TSC2: variants seen among roughly 807,000 people sequenced by gnomAD.
TSC2 encodes TSC complex subunit 2, also known as tuberin.
Under a neutral mutation model 202.2 loss-of-function variants are expected in TSC2, and 29 were observed. The ratio of observed to expected loss-of-function variants is 0.14; its 90% confidence interval spans 0.11 to 0.20. TSC2 has a LOEUF of 0.20. Ranked by LOEUF, TSC2 falls within the 10% of genes least tolerant of loss-of-function variation. The pLI is 1.00. For synonymous variants in TSC2, 1,349 were observed against 1,044.0 expected (o/e 1.29, Z -5.63); for missense variants, 2,429 against 2,420.0 (o/e 1.00, Z -0.08).
In TSC2 at chr16:2,064,245, T is replaced by G. The variant is rs747334684; in HGVS notation, c.1444-27T>G. 7 of 1,613,706 alleles carry G rather than the reference T, an allele frequency of 4.3e-6. No individual in the cohort carries two copies. The South Asian group carries it at 7.7e-5, about 18-fold the overall frequency. On this transcript the variant is annotated intron_variant, in intron 14 of 41. Transcript: ENST00000219476. ...GATGTGGCCCTCGTTGGGCTGGCGCTCATTGGCCTCCCTTGTGCCTGTGCA... is the reference window on the plus strand; with the variant it reads ...GATGTGGCCCTCGTTGGGCTGGCGCGCATTGGCCTCCCTTGTGCCTGTGCA...
At chr16:2,081,364 G>A in intron 30 of TSC2, 2 of 600,038 alleles carry the variant, frequency 3.3e-6, no homozygotes, top group Non-Finnish European at 6.0e-6. Context: ...GCTGTGGGCT[G>A]GAGGCCGCTG....
At position 2,084,571 on chromosome 16, in the gene TSC2, C is replaced by G. The variant is rs45517338; in HGVS notation, c.4349C>G (p.Pro1450Arg). 3.7e-6 allele frequency: 6 copies of G among 1,607,612 alleles called. No individual in the cohort carries two copies. The East Asian group carries it at 1.3e-4, about 36-fold the overall frequency. ...GAGGGTCCCTTGCCTTCCAGCTCCC[C>G]CCGCTCGCCCAGTGGCCTCCGGCCC... Reference protein sequence around the residue: ...QPEGPLPSSSPRSPSGLRPRG... With the variant: ...QPEGPLPSSSRRSPSGLRPRG... The change falls in exon 34 of 42, where the codon CCC (proline) becomes CGC (arginine). Residue 1450 changes from proline to arginine, a missense_variant. By Grantham distance (103) the Pro-to-Arg change is moderately radical. Transcript: ENST00000219476.
intron 19 of TSC2, 45 bp from the exon 20 acceptor site, chr16:2,072,196 T>C (rs2151314050): frequency 6.2e-7 from 1 of 1,612,722 alleles, no homozygotes; most frequent in Non-Finnish European, 8.5e-7. Flanking sequence ...CGCCTCTGTC[T>C]CTAGGGTCCA....
At chr16:2,084,163 G>A (rs1356542833) in intron 33 of TSC2, 65 bp from the exon 34 acceptor site, 2 of 1,549,948 alleles carry the variant, frequency 1.3e-6, no homozygotes, top group Non-Finnish European at 1.7e-6. Flanking sequence ...CCACCTCCAG[G>A]TCAACCCCAG....
chr16:2,064,166 A>G (rs2086989996), intron 14 of TSC2, 106 bp from the exon 15 acceptor site: 38 of 1,571,060 alleles, frequency 2.4e-5, no homozygotes, highest in Non-Finnish European at 3.1e-5. Flanking sequence ...TGAAGTCCCG[A>G]GGGACATGTC....
chr16:2,083,666 A>G, intron 32 of TSC2, 29 bp from the exon 33 acceptor site: 1 of 1,563,770 alleles, frequency 6.4e-7, no homozygotes, highest in Non-Finnish European at 8.7e-7. Flanking sequence ...CCAGCCCCAC[A>G]TCCAGCAGCC....
chr16:2,063,182 G>C, intron 14 of TSC2, 129 bp downstream of exon 14: 1 of 1,157,760 alleles, frequency 8.6e-7, no homozygotes, highest in Non-Finnish European at 1.3e-6. Flanking sequence ...ACCCTCTGCA[G>C]CCCCCAGCGT....
Position 2,077,680 on chromosome 16 carries a change from G to A in TSC2, c.2920G>A (p.Ala974Thr), listed in dbSNP as rs556778889. The change falls in exon 26 of 42, where the codon GCC becomes ACC. Residue 974 changes from alanine to threonine, a missense_variant. Physicochemically the swap from Ala to Thr is moderately conservative, Grantham distance 58. Transcript: ENST00000219476. ...KEFKESSAAE[A>T]FRCRSISVSE... ...ATTCAAGGAGAGCTCTGCAGCCGAG[G>A]CCTTCCGGTGCCGCAGCATCAGTGT... is the stretch of plus-strand genomic sequence containing the variant. 1.2e-6 allele frequency: 2 copies of A among 1,613,044 alleles called. No homozygotes were observed. Among genetic ancestry groups the A allele is most frequent in the Non-Finnish European group, 1.7e-6 (2 of 1,180,024 alleles).
At chr16:2,063,183 C>A in intron 14 of TSC2, 130 bp downstream of exon 14, 1 of 1,140,254 alleles carries the variant, frequency 8.8e-7, no homozygotes, top group Non-Finnish European at 1.3e-6. Flanking sequence ...CCCTCTGCAG[C>A]CCCCAGCGTG....
intron 36 of TSC2, 45 bp from the exon 37 acceptor site, chr16:2,086,148 C>A (rs746649889): frequency 6.2e-7 from 1 of 1,610,182 alleles, no homozygotes; most frequent in Non-Finnish European, 8.5e-7. Context: ...GGGGCAGGGC[C>A]CGGCCCGGGA....
Position 2,079,759 on chromosome 16 carries a change from G to C in TSC2, c.3397+90G>C. 1.5e-6 allele frequency: 2 copies of C among 1,365,120 alleles called. No homozygotes were observed. The highest frequency in any genetic ancestry group is 2.0e-6 in the Non-Finnish European group (2 of 1,010,362). 84.6% of individuals were successfully genotyped at this position (1,365,120 alleles called of 1,614,324 possible). A position where few individuals can be genotyped will look rare whatever the true frequency, so the allele number is the denominator to read the frequency against. Reference sequence around the variant, plus strand: ...GTGTTCAGGAAGGCCCCGAGCCCAGGGGCCGGGGTGGCTGGCTTCAGGCCC... The same window carrying C: ...GTGTTCAGGAAGGCCCCGAGCCCAGCGGCCGGGGTGGCTGGCTTCAGGCCC... On this transcript the variant is annotated intron_variant, in intron 29 of 41. Transcript: ENST00000219476. This position sits in a 1 kb window ranked among gnomAD's most constrained non-coding sequence, Gnocchi z 4.6.
At chr16:2,083,631 G>A (rs1359925818) in intron 32 of TSC2, 64 bp from the exon 33 acceptor site, 2 of 1,549,488 alleles carry the variant, frequency 1.3e-6, no homozygotes, top group Admixed American at 2.0e-5. Flanking sequence ...GGTTCTCGGA[G>A]GCCACGTCAG....
At position 2,060,824 on chromosome 16, in the gene TSC2, G is replaced by C. The variant is rs1026151983; in HGVS notation, c.1119+11G>C. On this transcript the variant is annotated intron_variant, in intron 11 of 41. Coordinates refer to ENST00000219476, the MANE Select transcript of TSC2 (RefSeq NM_000548.5). ...CTTCAGCAGCTCCAGGTGGGGTGGG[G>C]GCAGGAGCTCCGGGGAGCACCGGGA... 8 of 1,612,890 alleles carry C rather than the reference G, an allele frequency of 5.0e-6. No individual in the cohort carries two copies. Among genetic ancestry groups the C allele is most frequent in the Non-Finnish European group, 6.8e-6 (8 of 1,179,928 alleles).
At position 2,079,791 on chromosome 16, in the gene TSC2, C is replaced by T. The variant is rs568202028; in HGVS notation, c.3397+122C>T. 6.6e-4 allele frequency: 634 copies of T among 957,574 alleles called. 8 individuals are homozygous for T. The Middle Eastern group carries it at 0.015, about 22-fold the overall frequency. 59.3% of individuals were successfully genotyped at this position (957,574 alleles called of 1,614,324 possible). ...GGTGGCTGGCTTCAGGCCCGGCCCACGTCCTGACTCTGGGGTGAGCCTTCC... is the reference window on the plus strand; with the variant it reads ...GGTGGCTGGCTTCAGGCCCGGCCCATGTCCTGACTCTGGGGTGAGCCTTCC... On this transcript the variant is annotated intron_variant, in intron 29 of 41. Transcript: ENST00000219476. This position sits in a 1 kb window ranked among gnomAD's most constrained non-coding sequence, Gnocchi z 4.6.
At chr16:2,050,768 TAGTAGAG>T (rs1281764641) in intron 3 of TSC2, among the ~76,000 whole-genome samples, 1 of 151,960 alleles carries the variant, frequency 6.6e-6, no homozygotes, top group Non-Finnish European at 1.5e-5. Context: ...TTTGTATTTT[TAGTAGAG>T]ACGGGGTTTC....
chr16:2,048,801 A>T (rs570346091), intron 2 of TSC2, 48 bp downstream of exon 2: 1 of 1,613,220 alleles, frequency 6.2e-7, no homozygotes, highest in Non-Finnish European at 8.5e-7. Flanking sequence ...AAATGCAGAG[A>T]AGGCTGGGTT....
chr16:2,079,149 C>A lies in TSC2; in HGVS notation c.3084C>A (p.Asp1028Glu), dbSNP rs1555510350. ...LHLELTETCL[D>E]MMARYVFSNF... ...TGGAGCTCACGGAAACCTGTCTGGA[C>A]ATGATGGCTCGATACGTCTTCTCCA... Residue 1028 changes from aspartate to glutamate, a missense_variant, in exon 27 of 42, where the codon GAC becomes GAA. Transcript: ENST00000219476. The surrounding 1 kb of genome is among the most constrained non-coding windows in gnomAD (Gnocchi z 4.6). The A allele has an allele frequency of 6.2e-7, 1 of 1,613,046 alleles. No homozygotes were observed. Among genetic ancestry groups the A allele is most frequent in the Non-Finnish European group, 8.5e-7 (1 of 1,180,036 alleles).
chr16:2,049,571 TC>T (rs756564822), intron 2 of TSC2, among the ~76,000 whole-genome samples: 13 of 151,420 alleles, frequency 8.6e-5, no homozygotes, highest in Admixed American at 2.0e-4. Context: ...ACGCCTGTCA[TC>T]CCAGCACTTT....
chr16:2,085,463 C>G, intron 36 of TSC2, 141 bp downstream of exon 36: 1 of 930,570 alleles, frequency 1.1e-6, no homozygotes. Context: ...TCATTGAGCT[C>G]TGTGCCAGGT....
Sources: allele counts gnomAD v4.1 joint callset (sites outside exome capture counted in the v4.1 genomes callset), GRCh38; gene constraint gnomAD v4.1.1; non-coding constraint Gnocchi (gnomAD v3.1); transcripts MANE v1.5; gene names NCBI Gene and HGNC (gene_info 2026-07-23, HGNC 2026-07-21).